Variants in PCSK2 observed in about 807,000 individuals in gnomAD.
PCSK2 encodes the protein neuroendocrine convertase 2.
In PCSK2, 14 loss-of-function variants were observed where a neutral mutation model predicts 69.7. The ratio of observed to expected loss-of-function variants is 0.20; its 90% CI spans 0.13 to 0.31. PCSK2 has a LOEUF of 0.31. PCSK2 is among the 10% of genes least tolerant of loss of function. The pLI, the probability that PCSK2 is intolerant of heterozygous loss-of-function variation, is 1.00. For missense variants in PCSK2, 544 were observed against 842.5 expected (o/e 0.65, Z 4.39); for synonymous variants, 307 against 320.7 (o/e 0.96, Z 0.46).
chr20:17,335,988 C>T (rs2424077), intron 2 of PCSK2, among the ~76,000 whole-genome samples: 92,277 of 151,696 alleles, frequency 0.61, 29,226 homozygotes, highest in East Asian at 0.97. Context: ...ACAGCATCAC[C>T]TATTTCATGA....
At chr20:17,441,738 C>T (rs1206372885) in intron 8 of PCSK2, among the ~76,000 whole-genome samples, 1 of 151,962 alleles carries the variant, frequency 6.6e-6, no homozygotes, top group Non-Finnish European at 1.5e-5. Context: ...GAAGACTCGC[C>T]CCCATGATTC....
At chr20:17,334,683 A>G (rs368033126) in intron 2 of PCSK2, among the ~76,000 whole-genome samples, 48 of 152,294 alleles carry the variant, frequency 3.2e-4, no homozygotes, top group African/African-American at 1.1e-3. Context: ...CTGGAAGAAA[A>G]TGTTCCTGCT....
chr20:17,432,496 CT>C (rs1239674187), intron 7 of PCSK2, among the ~76,000 whole-genome samples: 3 of 152,202 alleles, frequency 2.0e-5, no homozygotes, highest in East Asian at 1.9e-4. Flanking sequence ...AAAAATATTA[CT>C]TTTTTTATTT....
rs190448057 is a variant in PCSK2, at chr20:17,254,400, T to C, written c.178-5840T>C. The stretch of plus-strand genomic sequence containing the variant: ...GGTATGAGATAGGAATCCAAATTCA[T>C]TTTTTTCATGTGAATATCTAATTGT... On this transcript the variant is annotated intron_variant, in intron 1 of 11. Transcript: ENST00000262545. Among the ~76,000 whole-genome samples the C allele has an allele frequency of 6.6e-3, 1,002 of 152,256 alleles. 3 individuals are homozygous for C. The highest frequency in any genetic ancestry group is 9.9e-3 in the Non-Finnish European group (674 of 67,994).
intron 3 of PCSK2, among the ~76,000 whole-genome samples, chr20:17,358,921 C>T (rs2030299450): frequency 6.6e-6 from 1 of 152,206 alleles, no homozygotes; most frequent in African/African-American, 2.4e-5. Flanking sequence ...CTTCCTAAAA[C>T]AATGGCAGGA....
At chr20:17,471,439 T>C (rs1462917995) in intron 11 of PCSK2, among the ~76,000 whole-genome samples, 1 of 152,226 alleles carries the variant, frequency 6.6e-6, no homozygotes, top group Non-Finnish European at 1.5e-5. Context: ...GGCCCTCGTC[T>C]GTCATATTCA....
chr20:17,460,506 G>A (rs150590687), intron 10 of PCSK2, among the ~76,000 whole-genome samples: 1 of 152,226 alleles, frequency 6.6e-6, no homozygotes, highest in Non-Finnish European at 1.5e-5. Context: ...AGATATGGAG[G>A]GAAATACAAC....
At chr20:17,248,302 T>A (rs547738443) in intron 1 of PCSK2, among the ~76,000 whole-genome samples, 10 of 152,086 alleles carry the variant, frequency 6.6e-5, no homozygotes, top group Non-Finnish European at 1.2e-4. Context: ...TGTTTGGGAA[T>A]CTACCACTGT....
intron 1 of PCSK2, among the ~76,000 whole-genome samples, chr20:17,253,154 C>G (rs1299517299): frequency 6.6e-6 from 1 of 152,128 alleles, no homozygotes; most frequent in African/African-American, 2.4e-5. Context: ...TCTATACAAA[C>G]AGTGATAATC....
intron 2 of PCSK2, among the ~76,000 whole-genome samples, chr20:17,278,587 G>A (rs1988183165): frequency 6.6e-6 from 1 of 152,090 alleles, no homozygotes; most frequent in Admixed American, 6.6e-5. Context: ...GGAGGAGAGG[G>A]GAGGGATAGC....
chr20:17,295,255 G>A lies in PCSK2; in HGVS notation c.282+34911G>A, dbSNP rs540455883. Reference sequence around the variant, plus strand: ...ACACACACACACACACCTCTCTCAAGAGTTTAATGCATGCCAGATATTGTT... The same window carrying A: ...ACACACACACACACACCTCTCTCAAAAGTTTAATGCATGCCAGATATTGTT... On this transcript the variant is annotated intron_variant, in intron 2 of 11. Transcript: ENST00000262545. Among the ~76,000 whole-genome samples the A allele has an allele frequency of 6.6e-5, 10 of 151,210 alleles. No individual in the cohort carries two copies. The South Asian group carries it at 1.9e-3, about 28-fold the overall frequency.
intron 1 of PCSK2, among the ~76,000 whole-genome samples, chr20:17,237,409 G>A (rs776909536): frequency 1.4e-4 from 22 of 152,190 alleles, no homozygotes; most frequent in African/African-American, 3.4e-4. Flanking sequence ...AAAACAAAGC[G>A]AAGTCCTAGG....
At chr20:17,246,767 G>C (rs914704517) in intron 1 of PCSK2, among the ~76,000 whole-genome samples, 2 of 151,050 alleles carry the variant, frequency 1.3e-5, no homozygotes, top group African/African-American at 2.4e-5. Context: ...TGGGAGAGCA[G>C]CTGTTGTTTC....
intron 7 of PCSK2, among the ~76,000 whole-genome samples, chr20:17,434,574 G>A (rs6075209): frequency 0.35 from 53,583 of 151,992 alleles, 9,930 homozygotes; most frequent in South Asian, 0.57. Context: ...AGGTTCTTGC[G>A]CAGCACAGAG....
chr20:17,395,830 C>G (rs1468361818), intron 5 of PCSK2, among the ~76,000 whole-genome samples: 1 of 152,136 alleles, frequency 6.6e-6, no homozygotes, highest in Non-Finnish European at 1.5e-5. Context: ...ACAACAGCCC[C>G]TTCGATGAGG....
chr20:17,434,601 A>G (rs2032446096), intron 7 of PCSK2, among the ~76,000 whole-genome samples: 1 of 152,194 alleles, frequency 6.6e-6, no homozygotes, highest in African/African-American at 2.4e-5. Context: ...CATGAAGGTG[A>G]TAAGAGCTGC....
chr20:17,446,607 C>T (rs2032703307), intron 8 of PCSK2, among the ~76,000 whole-genome samples: 2 of 152,098 alleles, frequency 1.3e-5, no homozygotes, highest in Admixed American at 1.3e-4. Context: ...CAAGAGGTAA[C>T]CAGTTGACCT....
intron 1 of PCSK2, among the ~76,000 whole-genome samples, chr20:17,229,930 T>A (rs1377467799): frequency 6.6e-6 from 1 of 152,232 alleles, no homozygotes; most frequent in Non-Finnish European, 1.5e-5. Context: ...ATTTCAGGTA[T>A]ATAAGTAAAT....
chr20:17,482,072 G>A lies in PCSK2; in HGVS notation c.*2G>A, dbSNP rs142922793. 1,219 of 1,560,958 alleles carry A rather than the reference G, an allele frequency of 7.8e-4. No individual in the cohort carries two copies. The highest frequency in any genetic ancestry group is 9.6e-4 in the Non-Finnish European group (1,103 of 1,154,606). ...AAAAGCATCCTTAACAAGAACTAGC[G>A]CTGCACATCCGCCTTTCCCACCGCC... On this transcript the variant is annotated 3_prime_UTR_variant, in exon 12 of 12. Coordinates refer to ENST00000262545, the MANE Select transcript of PCSK2 (RefSeq NM_002594.5).
Sources: allele counts gnomAD v4.1 joint callset (sites outside exome capture counted in the v4.1 genomes callset), GRCh38; gene constraint gnomAD v4.1.1; transcripts MANE v1.5; gene names NCBI Gene and HGNC (gene_info 2026-07-23, HGNC 2026-07-21).